Variants in ARL15 observed in about 807,000 individuals in gnomAD.
ARL15 encodes the protein ADP-ribosylation factor-like protein 15.
In ARL15, 19 loss-of-function variants were observed where a neutral mutation model predicts 25.2. That is an observed-to-expected ratio of 0.75 (90% confidence interval 0.53 to 1.10). The LOEUF (loss-of-function observed/expected upper bound fraction) is 1.10, where lower values mean the gene tolerates loss of function less well. Among genes scored for constraint, ARL15 ranks in the 50% least tolerant of loss-of-function variants. The pLI is 0.00. For missense variants in ARL15, 220 were observed against 246.0 expected, an observed-to-expected ratio of 0.89 and a Z score of 0.71; for synonymous variants, 94 against 86.8, an observed-to-expected ratio of 1.08 and a Z score of -0.46.
intron 1 of ARL15, among the ~76,000 whole-genome samples, chr5:54,214,939 G>A (rs1192356433): frequency 6.6e-6 from 1 of 152,066 alleles, no homozygotes; most frequent in Non-Finnish European, 1.5e-5. Flanking sequence ...TATTCCCACC[G>A]CGTTGGGGCA....
intron 4 of ARL15, among the ~76,000 whole-genome samples, chr5:53,921,720 C>A (rs986255011): frequency 6.6e-6 from 1 of 152,060 alleles, no homozygotes; most frequent in Non-Finnish European, 1.5e-5. Flanking sequence ...TGCAGTGAGC[C>A]GAGATTGTGC....
At chr5:54,106,600 A>G (rs1752595986) in intron 4 of ARL15, among the ~76,000 whole-genome samples, 1 of 152,176 alleles carries the variant, frequency 6.6e-6, no homozygotes, top group South Asian at 2.1e-4. Flanking sequence ...CTAATAATGT[A>G]AATGCTACGT....
intron 1 of ARL15, among the ~76,000 whole-genome samples, chr5:54,304,062 T>C (rs1430699778): frequency 6.6e-6 from 1 of 152,222 alleles, no homozygotes; most frequent in Non-Finnish European, 1.5e-5. Flanking sequence ...TGGCCACTGC[T>C]TTCTTTAACA....
intron 1 of ARL15, among the ~76,000 whole-genome samples, chr5:54,265,125 T>C (rs1430180178): frequency 2.6e-5 from 4 of 152,226 alleles, no homozygotes; most frequent in Non-Finnish European, 5.9e-5. Flanking sequence ...AACTCCCTGC[T>C]GTAATTTTTT....
intron 4 of ARL15, among the ~76,000 whole-genome samples, chr5:54,107,145 A>G (rs777370839): frequency 1.3e-5 from 2 of 152,150 alleles, no homozygotes; most frequent in Non-Finnish European, 1.5e-5. Flanking sequence ...GCTAAAGCGG[A>G]ACCCCGTGAT....
intron 4 of ARL15, among the ~76,000 whole-genome samples, chr5:54,003,662 T>TTCTA (rs34463762): frequency 0.021 from 2,936 of 138,356 alleles, 44 homozygotes; most frequent in Middle Eastern, 0.036. Flanking sequence ...AATATTTTCT[T>TTCTA]TCTATCTATC....
At chr5:54,133,144 C>T (rs1230050504) in intron 3 of ARL15, among the ~76,000 whole-genome samples, 1 of 152,088 alleles carries the variant, frequency 6.6e-6, no homozygotes, top group Non-Finnish European at 1.5e-5. Context: ...TCAATTCAAA[C>T]ATAAACTTTT....
At chr5:54,123,360 C>T (rs1377941418) in intron 3 of ARL15, among the ~76,000 whole-genome samples, 7 of 152,128 alleles carry the variant, frequency 4.6e-5, no homozygotes, top group Admixed American at 1.3e-4. Flanking sequence ...CTGCCTGCCT[C>T]GGCCTCCCAA....
chr5:54,169,594 T>A (rs1754664508), intron 2 of ARL15, among the ~76,000 whole-genome samples: 2 of 152,220 alleles, frequency 1.3e-5, no homozygotes, highest in South Asian at 4.1e-4. Context: ...TTCAATTTAC[T>A]TTCATTTGCT....
chr5:54,118,565 C>T (rs930023691), intron 3 of ARL15, among the ~76,000 whole-genome samples: 3 of 152,140 alleles, frequency 2.0e-5, no homozygotes, highest in South Asian at 2.1e-4. Flanking sequence ...TTAAGATCTA[C>T]TGAAATTTAG....
intron 4 of ARL15, among the ~76,000 whole-genome samples, chr5:54,010,978 C>A (rs1365283130): frequency 1.4e-5 from 2 of 143,694 alleles, no homozygotes; most frequent in Non-Finnish European, 3.0e-5. Context: ...CCAGCCCGGG[C>A]GACAGAGCAA....
chr5:54,142,109 G>A (rs139410599), intron 3 of ARL15, among the ~76,000 whole-genome samples: 215 of 152,250 alleles, frequency 1.4e-3, no homozygotes, highest in African/African-American at 4.5e-3. Flanking sequence ...ACCTTTTTCA[G>A]AGACTGTTAA....
intron 1 of ARL15, among the ~76,000 whole-genome samples, chr5:54,296,003 C>T (rs911025734): frequency 2.0e-5 from 3 of 152,310 alleles, no homozygotes; most frequent in South Asian, 2.1e-4. Context: ...TCTACTGAGT[C>T]GGCTCGTGTG....
At chr5:54,244,053 G>A (rs569761003) in intron 1 of ARL15, among the ~76,000 whole-genome samples, 5 of 151,898 alleles carry the variant, frequency 3.3e-5, no homozygotes, top group African/African-American at 1.2e-4. Flanking sequence ...TCCCTCTCTG[G>A]GCCTGTTTCC....
intron 1 of ARL15, among the ~76,000 whole-genome samples, chr5:54,201,468 T>C (rs1008333720): frequency 3.9e-5 from 6 of 152,114 alleles, no homozygotes; most frequent in Non-Finnish European, 4.4e-5. Context: ...CCTGGCTAAG[T>C]CAGTTCAGCA....
intron 1 of ARL15, among the ~76,000 whole-genome samples, chr5:54,195,216 C>T (rs2112466670): frequency 6.6e-6 from 1 of 152,186 alleles, no homozygotes; most frequent in South Asian, 2.1e-4. Flanking sequence ...ATTAAGCCAC[C>T]TGTGGTCAAT....
chr5:53,946,926 C>G (rs373613255), intron 4 of ARL15, among the ~76,000 whole-genome samples: 1 of 152,180 alleles, frequency 6.6e-6, no homozygotes, highest in Non-Finnish European at 1.5e-5. Flanking sequence ...TAATTAATTA[C>G]AGCCAAACTC....
chr5:54,081,736 CTG>C (rs1751804178), intron 4 of ARL15, among the ~76,000 whole-genome samples: 1 of 152,162 alleles, frequency 6.6e-6, no homozygotes, highest in Non-Finnish European at 1.5e-5. Context: ...CTATGCTGCA[CTG>C]TGAGTCAATT....
intron 4 of ARL15, among the ~76,000 whole-genome samples, chr5:54,023,340 A>T (rs1749676720): frequency 6.6e-6 from 1 of 152,154 alleles, no homozygotes; most frequent in Non-Finnish European, 1.5e-5. Flanking sequence ...AATTATAAAC[A>T]AAGTTCAAAT....
Sources: allele counts gnomAD v4.1 joint callset (sites outside exome capture counted in the v4.1 genomes callset), GRCh38; gene constraint gnomAD v4.1.1; transcripts MANE v1.5; gene names NCBI Gene and HGNC (gene_info 2026-07-23, HGNC 2026-07-21).